Variants in LRRC9 observed in about 807,000 individuals in gnomAD.
The protein encoded by LRRC9 is leucine rich repeat containing 9.
LRRC9 carries 122 observed loss-of-function variants against 63.2 expected under a neutral mutation model. The observed-to-expected ratio is 1.93, with a 90% CI of 1.67 to 2.24. The LOEUF (loss-of-function observed/expected upper bound fraction) is 2.24. LRRC9 is among the 30% of genes most tolerant of loss of function. LRRC9 has a pLI of 0.00. For synonymous variants in LRRC9, 366 were observed against 213.1 expected (o/e 1.72, Z -6.25); for missense variants, 1,071 against 627.7 (o/e 1.71, Z -7.55).
intron 17 of LRRC9, among the ~76,000 whole-genome samples, chr14:59,995,845 C>T (rs1324133488): frequency 2.0e-5 from 3 of 152,036 alleles, no homozygotes; most frequent in Non-Finnish European, 4.4e-5. Context: ...CGGGTTCAAG[C>T]GATTCTTCTG....
At chr14:60,006,610 A>G (rs1889828866) in exon 22 of LRRC9, 1 of 648,862 alleles carries the variant, frequency 1.5e-6, no homozygotes, top group African/African-American at 1.8e-5. Context: ...GAGATGCACA[A>G]TTTAAAGGTA....
chr14:60,062,901 T>TTA (rs1482375776), intron 31 of LRRC9, among the ~76,000 whole-genome samples: 1 of 151,682 alleles, frequency 6.6e-6, no homozygotes, highest in Non-Finnish European at 1.5e-5. Context: ...AGTATTTTTT[T>TTA]TTTTTTTGAG....
At chr14:59,941,447 T>G (rs1881755030) in intron 7 of LRRC9, among the ~76,000 whole-genome samples, 1 of 151,628 alleles carries the variant, frequency 6.6e-6, no homozygotes, top group Admixed American at 6.6e-5. Flanking sequence ...AAATTTTAGA[T>G]AACCTATTAA....
At chr14:60,006,595 A>C in exon 22 of LRRC9, 1 of 687,162 alleles carries the variant, frequency 1.5e-6, no homozygotes, top group East Asian at 2.7e-5. Context: ...ATTGCTGTCA[A>C]TCAGGAGATG....
chr14:59,945,463 G>GA (rs201448953), intron 8 of LRRC9, among the ~76,000 whole-genome samples: 3,233 of 150,748 alleles, frequency 0.021, 61 homozygotes, highest in South Asian at 0.051. Context: ...ATACCAGTAG[G>GA]AAAAAAAAGA....
At chr14:59,935,948 T>G (rs1890103066) in intron 6 of LRRC9, among the ~76,000 whole-genome samples, 1 of 152,212 alleles carries the variant, frequency 6.6e-6, no homozygotes, top group African/African-American at 2.4e-5. Context: ...GAAGTTTAAC[T>G]TACTCTGGCT....
At chr14:59,989,355 CATTT>C (rs1030811109) in intron 17 of LRRC9, among the ~76,000 whole-genome samples, 2 of 151,788 alleles carry the variant, frequency 1.3e-5, no homozygotes, top group Non-Finnish European at 2.9e-5. Context: ...TCTCTTCATT[CATTT>C]CTTATCTTAA....
Position 59,936,983 on chromosome 14 carries a change from C to T in LRRC9, c.544-1407C>T, listed in dbSNP as rs1326346752. ...CATTGCATCCTTTCAAGTTTGACCC[C>T]ACCACAGTACCCTCCTACCTCAGGC... is the stretch of plus-strand genomic sequence containing the variant. On this transcript the variant is annotated intron_variant, in intron 6 of 31. Coordinates refer to ENST00000445360, the Ensembl canonical transcript of LRRC9. This position sits in a 1 kb window ranked among gnomAD's most constrained non-coding sequence, Gnocchi z 4.2. Among the ~76,000 whole-genome samples, 1 of 151,990 alleles carries T rather than the reference C, an allele frequency of 6.6e-6. No individual in the cohort carries two copies. The highest frequency in any genetic ancestry group is 1.5e-5 in the Non-Finnish European group (1 of 67,974).
chr14:59,958,457 T>C lies in LRRC9; in HGVS notation c.883-1361T>C, dbSNP rs2139956251. Reference sequence around the variant, plus strand: ...AAACCACCTACTAAAGCCTCAGTAATGGTGGACACCCCTGCCCCAACCAAG... The same window carrying C: ...AAACCACCTACTAAAGCCTCAGTAACGGTGGACACCCCTGCCCCAACCAAG... On this transcript the variant is annotated intron_variant, in intron 8 of 31. Transcript: ENST00000445360. This position sits in a 1 kb window ranked among gnomAD's most constrained non-coding sequence, Gnocchi z 4.0. Among the ~76,000 whole-genome samples the C allele has an allele frequency of 6.6e-6, 1 of 152,288 alleles. No individual in the cohort carries two copies. Among genetic ancestry groups the C allele is most frequent in the African/African-American group, 2.4e-5 (1 of 41,568 alleles).
At chr14:59,934,250 C>G (rs1889945385) in intron 6 of LRRC9, among the ~76,000 whole-genome samples, 1 of 151,978 alleles carries the variant, frequency 6.6e-6, no homozygotes, top group Non-Finnish European at 1.5e-5. Flanking sequence ...ATGTGAAGAG[C>G]TAGAGAGTCC....
rs1889590083 is a variant in LRRC9 at position 60,003,839 on chromosome 14, G to T, written c.2842+41G>T. ...ACTTTGAAGTCTCAAAATATGGGAT[G>T]TCTAAACAACAAAGCAAAAAATAAC... is the stretch of plus-strand genomic sequence containing the variant. On this transcript the variant is annotated intron_variant, in intron 21 of 31. Transcript: ENST00000445360. The surrounding 1 kb of genome is among the most constrained non-coding windows in gnomAD (Gnocchi z 4.2). The T allele has an allele frequency of 1.8e-6, 1 of 543,186 alleles. No individual in the cohort carries two copies. The highest frequency in any genetic ancestry group is 3.2e-5 in the East Asian group (1 of 31,546). 33.6% of individuals were successfully genotyped at this position (543,186 alleles called of 1,614,324 possible).
At chr14:59,934,276 T>C (rs533714124) in intron 6 of LRRC9, among the ~76,000 whole-genome samples, 136 of 152,236 alleles carry the variant, frequency 8.9e-4, no homozygotes, top group African/African-American at 3.0e-3. Flanking sequence ...GAATCCGTGA[T>C]TACAGTTCTT....
In LRRC9 at chr14:60,042,429, C is replaced by G. The variant is rs1893033051; in HGVS notation, c.3990+10366C>G. Among the ~76,000 whole-genome samples the G allele has an allele frequency of 6.6e-6, 1 of 152,206 alleles. No homozygotes were observed. Among genetic ancestry groups the G allele is most frequent in the Admixed American group, 6.5e-5 (1 of 15,284 alleles). On this transcript the variant is annotated intron_variant, in intron 29 of 31. Coordinates refer to ENST00000445360, the Ensembl canonical transcript of LRRC9. The surrounding 1 kb of genome is among the most constrained non-coding windows in gnomAD (Gnocchi z 4.2). ...CGAGCTTCCCAGCTTCTTTGTTTAC[C>G]TATTCAAGCCTCAGCAATGGCGGAT... is the stretch of plus-strand genomic sequence containing the variant.
intron 18 of LRRC9, 145 bp downstream of exon 18, chr14:59,997,992 G>A: frequency 1.5e-5 from 8 of 549,566 alleles, no homozygotes; most frequent in South Asian, 5.3e-5. Flanking sequence ...TTCATAAATT[G>A]GATTTAATGT....
intron 29 of LRRC9, among the ~76,000 whole-genome samples, 191 bp downstream of exon 29, chr14:60,032,254 T>G (rs1892050661): frequency 6.6e-6 from 1 of 152,124 alleles, no homozygotes; most frequent in Non-Finnish European, 1.5e-5. Flanking sequence ...AATAAGAAGG[T>G]CTGTTTCAGG....
At position 59,922,248 on chromosome 14, in the gene LRRC9, G is replaced by C. The variant is rs970962472; in HGVS notation, c.-34+2365G>C. ...TTGTCAAATGCCATGTCAAGGTCAAGTTGAGAATCAAAACATGTCCGCTGT... is the reference window on the plus strand; with the variant it reads ...TTGTCAAATGCCATGTCAAGGTCAACTTGAGAATCAAAACATGTCCGCTGT... On this transcript the variant is annotated intron_variant, in intron 1 of 31. Coordinates refer to ENST00000445360, the Ensembl canonical transcript of LRRC9. This position sits in a 1 kb window ranked among gnomAD's most constrained non-coding sequence, Gnocchi z 5.3. Among the ~76,000 whole-genome samples, 2 of 152,174 alleles carry C rather than the reference G, an allele frequency of 1.3e-5. No homozygotes were observed. The highest frequency in any genetic ancestry group is 4.8e-5 in the African/African-American group (2 of 41,440).
chr14:60,006,288 G>A, intron 21 of LRRC9, 109 bp from the exon 22 acceptor site: 1 of 585,810 alleles, frequency 1.7e-6, no homozygotes, highest in Non-Finnish European at 3.0e-6. Context: ...AATCTTTAAA[G>A]CCATTTGAAC....
intron 23 of LRRC9, among the ~76,000 whole-genome samples, chr14:60,009,319 G>A (rs556574230): frequency 1.3e-5 from 2 of 152,286 alleles, no homozygotes; most frequent in African/African-American, 4.8e-5. Flanking sequence ...TGGCTGGGGA[G>A]GCCTCACAAT....
At chr14:60,016,873 C>T (rs1890730984) in intron 24 of LRRC9, 83 bp downstream of exon 24, 1 of 553,210 alleles carries the variant, frequency 1.8e-6, no homozygotes, top group African/African-American at 1.9e-5. Flanking sequence ...TACATTTATA[C>T]AACTTACCTA....
Sources: gnomAD v4.1 joint callset for allele counts (sites outside exome capture counted in the v4.1 genomes callset) on GRCh38, gnomAD v4.1.1 for gene constraint, Gnocchi (gnomAD v3.1) non-coding constraint, MANE v1.5 for transcripts, NCBI Gene and HGNC (gene_info 2026-07-23, HGNC 2026-07-21) for gene names.